SGMS1: variants seen among roughly 807,000 people sequenced by gnomAD.
SGMS1 encodes the protein sphingomyelin synthase 1.
A neutral mutation model predicts 46.2 loss-of-function variants in SGMS1; 13 were observed. The ratio of observed to expected loss-of-function variants is 0.28; its 90% CI spans 0.18 to 0.45. The LOEUF is 0.45. Ranked by LOEUF, SGMS1 falls within the 20% of genes least tolerant of loss-of-function variation. The pLI, the probability that SGMS1 is intolerant of heterozygous loss-of-function variation, is 1.00. For missense variants in SGMS1, 324 were observed against 519.9 expected (o/e 0.62, Z 3.66); for synonymous variants, 203 against 187.8 (o/e 1.08, Z -0.66).
At chr10:50,347,434 G>A (rs976457996) in intron 6 of SGMS1, among the ~76,000 whole-genome samples, 16 of 152,116 alleles carry the variant, frequency 1.1e-4, no homozygotes, top group African/African-American at 3.1e-4. Context: ...AAAAACCACC[G>A]TAAAGAATTT....
intron 1 of SGMS1, among the ~76,000 whole-genome samples, chr10:50,617,525 T>C (rs1001753897): frequency 6.6e-6 from 1 of 152,238 alleles, no homozygotes; most frequent in Admixed American, 6.5e-5. Context: ...GTAATCAAGC[T>C]GTACACTTTG....
chr10:50,500,178 T>C (rs991574786), intron 3 of SGMS1, among the ~76,000 whole-genome samples: 1 of 151,892 alleles, frequency 6.6e-6, no homozygotes, highest in Non-Finnish European at 1.5e-5. Flanking sequence ...AAAAACAAAC[T>C]AACAAACAAA....
At chr10:50,437,406 A>G (rs1304855228) in intron 5 of SGMS1, among the ~76,000 whole-genome samples, 1 of 152,224 alleles carries the variant, frequency 6.6e-6, no homozygotes, top group Non-Finnish European at 1.5e-5. Flanking sequence ...GCCACACAGA[A>G]ACAAAACTGA....
At chr10:50,551,838 C>G (rs1032353762) in intron 2 of SGMS1, among the ~76,000 whole-genome samples, 13 of 152,258 alleles carry the variant, frequency 8.5e-5, no homozygotes, top group Non-Finnish European at 1.5e-4. Context: ...GATCCATCCT[C>G]CACACAGCTG....
intron 5 of SGMS1, among the ~76,000 whole-genome samples, chr10:50,442,063 T>A (rs184728892): frequency 3.3e-4 from 50 of 152,332 alleles, no homozygotes; most frequent in Non-Finnish European, 5.9e-4. Context: ...TTTATTTTTT[T>A]AATTATACTT....
At chr10:50,428,890 C>G (rs557779450) in intron 6 of SGMS1, among the ~76,000 whole-genome samples, 1 of 152,372 alleles carries the variant, frequency 6.6e-6, no homozygotes, top group African/African-American at 2.4e-5. Context: ...CTACACCTAA[C>G]ATACCTAACA....
At position 50,343,741 on chromosome 10, in the gene SGMS1, C is replaced by A. The variant is rs527528687; in HGVS notation, c.374G>T (p.Arg125Leu). The A allele has an allele frequency of 3.6e-5, 58 of 1,613,998 alleles. No homozygotes were observed. Among genetic ancestry groups the A allele is most frequent in the Non-Finnish European group, 4.5e-5 (53 of 1,180,024 alleles). ...GCCCCACTCCATGGGGTACTGAGAG[C>A]GCTCCAGTTCTGGCATGGGGATCTT... Reference protein sequence around the residue: ...MIKIPMPELERSQYPMEWGKT... With the variant: ...MIKIPMPELELSQYPMEWGKT... The change falls in exon 7 of 11, where the codon CGC becomes CTC. Residue 125 changes from arginine to leucine, a missense_variant. By Grantham distance (102) the Arg-to-Leu change is moderately radical (BLOSUM62 -2). This residue lies in a region of SGMS1 where 150 missense variants were observed against 169.8 expected (regional missense o/e 0.88). Coordinates refer to ENST00000361781, the MANE Select transcript of SGMS1 (RefSeq NM_147156.4).
intron 6 of SGMS1, among the ~76,000 whole-genome samples, chr10:50,354,176 C>T (rs1292140564): frequency 2.0e-5 from 3 of 150,286 alleles, no homozygotes; most frequent in South Asian, 4.3e-4. Flanking sequence ...CATCACACTA[C>T]CTGACTTCAA....
intron 3 of SGMS1, among the ~76,000 whole-genome samples, chr10:50,501,768 C>T (rs1564929389): frequency 6.6e-6 from 1 of 152,008 alleles, no homozygotes; most frequent in Non-Finnish European, 1.5e-5. Context: ...GATTAGGGCC[C>T]TACTTTCAAA....
chr10:50,588,815 T>C (rs974456753), intron 2 of SGMS1, among the ~76,000 whole-genome samples: 5 of 146,430 alleles, frequency 3.4e-5, no homozygotes, highest in African/African-American at 1.3e-4. Flanking sequence ...CCGCAACCTC[T>C]GCCTCCCAGG....
chr10:50,467,612 G>C (rs1490302982), intron 3 of SGMS1, among the ~76,000 whole-genome samples: 1 of 152,124 alleles, frequency 6.6e-6, no homozygotes. Context: ...ATCTTGGGTG[G>C]CTTAATAAAT....
chr10:50,310,829 G>GA (rs1177798522), intron 9 of SGMS1, among the ~76,000 whole-genome samples: 12 of 152,200 alleles, frequency 7.9e-5, no homozygotes, highest in Admixed American at 7.9e-4. Context: ...GGATGAGTCT[G>GA]ACCCATCACT....
chr10:50,584,748 A>T (rs1335538903), intron 2 of SGMS1, among the ~76,000 whole-genome samples: 1 of 152,206 alleles, frequency 6.6e-6, no homozygotes, highest in Non-Finnish European at 1.5e-5. Context: ...TCCATGTGTA[A>T]GTATGACCAG....
intron 1 of SGMS1, among the ~76,000 whole-genome samples, chr10:50,614,800 C>T (rs1838781872): frequency 6.6e-6 from 1 of 152,228 alleles, no homozygotes; most frequent in Non-Finnish European, 1.5e-5. Context: ...TTATTTCTGC[C>T]ACCTGGCAAA....
intron 6 of SGMS1, among the ~76,000 whole-genome samples, chr10:50,368,962 A>G (rs150417126): frequency 6.6e-6 from 1 of 152,252 alleles, no homozygotes; most frequent in South Asian, 2.1e-4. Context: ...TAAGTTATAC[A>G]TAAAAGTGTT....
chr10:50,622,713 C>T (rs1274481008), intron 1 of SGMS1, among the ~76,000 whole-genome samples: 1 of 152,210 alleles, frequency 6.6e-6, no homozygotes, highest in African/African-American at 2.4e-5. Context: ...GGATTCTCTT[C>T]GCTCCCTCCG....
At chr10:50,598,255 GT>G (rs1429319882) in intron 1 of SGMS1, among the ~76,000 whole-genome samples, 1 of 151,976 alleles carries the variant, frequency 6.6e-6, no homozygotes, top group African/African-American at 2.4e-5. Flanking sequence ...TGAGGATACA[GT>G]AAGAAGGCAT....
rs193178039 is a variant in SGMS1 at position 50,349,794 on chromosome 10, G to C, written c.-231-5449C>G. On this transcript the variant is annotated intron_variant, in intron 6 of 10. Coordinates refer to ENST00000361781, the MANE Select transcript of SGMS1 (RefSeq NM_147156.4). ...CTGTCACTTCCTGCCATGATTCTCAGGCCTCTGCAGCCATGTGGAGCTGTA... is the reference window on the plus strand; with the variant it reads ...CTGTCACTTCCTGCCATGATTCTCACGCCTCTGCAGCCATGTGGAGCTGTA... Among the ~76,000 whole-genome samples the C allele has an allele frequency of 4.7e-3, 719 of 152,286 alleles. 2 individuals are homozygous for C. The highest frequency in any genetic ancestry group is 7.7e-3 in the Non-Finnish European group (524 of 68,028).
intron 5 of SGMS1, among the ~76,000 whole-genome samples, chr10:50,445,798 A>T (rs1362551290): frequency 1.3e-5 from 2 of 152,200 alleles, no homozygotes; most frequent in South Asian, 2.1e-4. Context: ...ATAACCTTAA[A>T]GGCTGGCTGC....
Sources: gnomAD v4.1 joint callset for allele counts (sites outside exome capture counted in the v4.1 genomes callset) on GRCh38, gnomAD v4.1.1 for gene constraint, gnomAD v4.1.1 regional missense constraint, MANE v1.5 for transcripts, NCBI Gene and HGNC (gene_info 2026-07-23, HGNC 2026-07-21) for gene names.